Variants in SLCO4C1 observed in about 807,000 individuals in gnomAD.
SLCO4C1 encodes solute carrier organic anion transporter family member 4C1.
A neutral mutation model predicts 72.1 loss-of-function variants in SLCO4C1; 58 were observed. The observed-to-expected ratio is 0.80, with a 90% CI of 0.65 to 1.00. The LOEUF is 1.00. SLCO4C1 is among the 50% of genes least tolerant of loss of function. The probability of loss-of-function intolerance (pLI) is 0.00; values close to 1 mark genes in which losing one functional copy is unlikely to be tolerated. For synonymous variants in SLCO4C1, 297 were observed against 312.5 expected, an observed-to-expected ratio of 0.95 and a Z score of 0.52; for missense variants, 898 against 857.9, an observed-to-expected ratio of 1.05 and a Z score of -0.58.
In SLCO4C1 at chr5:102,274,354, T is replaced by C. The variant is rs139519008; in HGVS notation, c.620-3548A>G. ...ACCTAATGAACAAAGAAGTGGCCAG[T>C]CTTACCCACTAATATTGGCAGGTCT... On this transcript the variant is annotated intron_variant, in intron 2 of 12. Transcript: ENST00000310954. Among the ~76,000 whole-genome samples the C allele has an allele frequency of 4.4e-3, 676 of 152,290 alleles. 12 individuals carry two copies. Among genetic ancestry groups the C allele is most frequent in the African/African-American group, 0.016 (648 of 41,564 alleles).
intron 1 of SLCO4C1, among the ~76,000 whole-genome samples, chr5:102,292,700 T>C (rs1456399971): frequency 6.6e-6 from 1 of 152,126 alleles, no homozygotes. Context: ...AAGGTAAGAC[T>C]GAAAATCTGA....
At position 102,240,764 on chromosome 5, in the gene SLCO4C1, T is replaced by C. The variant is rs1748525440; in HGVS notation, c.1830A>G (p.Gln610=). 4 of 1,611,692 alleles carry C rather than the reference T, an allele frequency of 2.5e-6. No individual in the cohort carries two copies. The highest frequency in any genetic ancestry group is 1.3e-5 in the African/African-American group (1 of 74,992). The change falls in exon 11 of 13, where the codon CAA becomes CAG. Residue 610 remains glutamine, a synonymous_variant. Transcript: ENST00000310954. The part of the protein sequence containing the change: ...VSILRCVNHR[Q]RSLALGIQFM... ...ATTGTATTCCCAAGGCTAGGGACCG[T>C]TGTCTGTGATTAACACACCTGGAAA...
At chr5:102,274,467 A>G (rs765027757) in intron 2 of SLCO4C1, among the ~76,000 whole-genome samples, 1 of 152,158 alleles carries the variant, frequency 6.6e-6, no homozygotes, top group Non-Finnish European at 1.5e-5. Flanking sequence ...CTTAACCCCA[A>G]TCAAAGACCC....
chr5:102,295,849 C>T (rs1475843548), intron 1 of SLCO4C1, 59 bp downstream of exon 1: 8 of 1,506,242 alleles, frequency 5.3e-6, no homozygotes, highest in East Asian at 2.3e-5. Context: ...CCCCGGCTGG[C>T]TCGCCGTGCC....
intron 3 of SLCO4C1, among the ~76,000 whole-genome samples, chr5:102,266,443 A>G (rs1302911374): frequency 6.6e-6 from 1 of 152,148 alleles, no homozygotes; most frequent in Non-Finnish European, 1.5e-5. Flanking sequence ...TGAGGTCAGG[A>G]GTTCGAGACC....
intron 2 of SLCO4C1, 121 bp from the exon 3 acceptor site, chr5:102,270,927 T>C: frequency 1.2e-6 from 1 of 843,246 alleles, no homozygotes; most frequent in South Asian, 2.3e-5. Context: ...TCATTTTACT[T>C]TGATTTAAAC....
In SLCO4C1 at chr5:102,257,169, A is replaced by G. The variant is rs762610013; in HGVS notation, c.1415T>C (p.Met472Thr). 1.9e-6 allele frequency: 3 copies of G among 1,606,358 alleles called. No homozygotes were observed. In the East Asian group the frequency reaches 6.8e-5, roughly 36 times the overall value. The change falls in exon 8 of 13, where the codon ATG becomes ACG. Residue 472 changes from methionine to threonine, a missense_variant. Physicochemically the swap from Met to Thr is moderately conservative, Grantham distance 81. Transcript: ENST00000310954. ...GVALTLSFVFMYAKCENEPFA... is the reference protein window; with the variant it reads ...GVALTLSFVFTYAKCENEPFA... ...TGGCTCATTTTCACATTTGGCATAC[A>G]TAAATACAAAACTCAGCGTAAGTGC... is the stretch of plus-strand genomic sequence containing the variant.
intron 8 of SLCO4C1, among the ~76,000 whole-genome samples, chr5:102,253,874 C>T (rs549598087): frequency 1.3e-5 from 2 of 151,590 alleles, no homozygotes; most frequent in Admixed American, 1.3e-4. Context: ...ATCAATCATA[C>T]CCCAAACCTC....
intron 3 of SLCO4C1, among the ~76,000 whole-genome samples, chr5:102,264,773 C>G (rs942887109): frequency 1.3e-5 from 2 of 151,994 alleles, no homozygotes; most frequent in Non-Finnish European, 2.9e-5. Context: ...TCCATATCCT[C>G]CCCTTCCCAT....
At position 102,247,280 on chromosome 5, in the gene SLCO4C1, C is replaced by T. The variant is rs141659640; in HGVS notation, c.1783G>A (p.Gly595Ser). The change falls in exon 10 of 13, where the codon GGT becomes AGT. Residue 595 changes from glycine (G) to serine (S), a missense_variant. Coordinates refer to ENST00000310954, the MANE Select transcript of SLCO4C1 (RefSeq NM_180991.5). Reference protein sequence around the residue: ...FIVIIFTFMAGTPITVSILRC... With the variant: ...FIVIIFTFMASTPITVSILRC... ...AGGATAGACACAGTTATAGGAGTAC[C>T]GGCCATAAAGGTAAAAATAATTACA... 1,059 of 1,569,812 alleles carry T rather than the reference C, an allele frequency of 6.7e-4. 4 individuals carry two copies. The African/African-American group carries it at 1.0e-2, about 15-fold the overall frequency.
intron 2 of SLCO4C1, among the ~76,000 whole-genome samples, chr5:102,280,942 C>T (rs947294493): frequency 1.3e-4 from 20 of 151,820 alleles, no homozygotes; most frequent in Admixed American, 2.6e-4. Flanking sequence ...AATCCTATTA[C>T]GATATTTTGT....
rs1749548933 is a variant in SLCO4C1 at position 102,291,436 on chromosome 5, C to T, written c.526G>A (p.Ala176Thr). 1 of 1,614,086 alleles carries T rather than the reference C, an allele frequency of 6.2e-7. No homozygotes were observed. The highest frequency in any genetic ancestry group is 1.1e-5 in the South Asian group (1 of 91,084). The change falls in exon 2 of 13, where the codon GCA becomes ACA. Residue 176 changes from alanine to threonine, a missense_variant. By Grantham distance (58) the Ala-to-Thr change is moderately conservative. Coordinates refer to ENST00000310954, the MANE Select transcript of SLCO4C1 (RefSeq NM_180991.5). ...AGTCCAATCATAAAGGCTGCAAATGCAAGCCATCTCGGCTTATGTCCTCTT... is the reference window on the plus strand; with the variant it reads ...AGTCCAATCATAAAGGCTGCAAATGTAAGCCATCTCGGCTTATGTCCTCTT... ...GERGHKPRWL[A>T]FAAFMIGLGA...
intron 3 of SLCO4C1, among the ~76,000 whole-genome samples, chr5:102,267,293 A>C (rs1439266168): frequency 6.6e-6 from 1 of 152,128 alleles, no homozygotes; most frequent in East Asian, 1.9e-4. Flanking sequence ...TTATTGATTC[A>C]ATCTCATTAC....
At chr5:102,281,723 A>C (rs574352745) in intron 2 of SLCO4C1, among the ~76,000 whole-genome samples, 21 of 152,136 alleles carry the variant, frequency 1.4e-4, no homozygotes, top group Non-Finnish European at 3.1e-4. Flanking sequence ...ACACAACGAG[A>C]TTTCACTGTA....
intron 2 of SLCO4C1, among the ~76,000 whole-genome samples, chr5:102,277,273 C>T (rs1266389420): frequency 6.6e-6 from 1 of 151,810 alleles, no homozygotes; most frequent in Non-Finnish European, 1.5e-5. Flanking sequence ...TAACAAGGTG[C>T]CCCATCCCCC....
chr5:102,294,875 G>GTT (rs1422203098), intron 1 of SLCO4C1, among the ~76,000 whole-genome samples: 5 of 152,116 alleles, frequency 3.3e-5, no homozygotes, highest in African/African-American at 1.2e-4. Flanking sequence ...AAAATGAGCT[G>GTT]TTTCCAACCC....
At chr5:102,244,447 G>A (rs1170502521) in intron 10 of SLCO4C1, among the ~76,000 whole-genome samples, 1 of 152,124 alleles carries the variant, frequency 6.6e-6, no homozygotes, top group Non-Finnish European at 1.5e-5. Flanking sequence ...AGAAGAGGTA[G>A]AGAAAAAGAT....
At chr5:102,243,782 G>C (rs1748589214) in intron 10 of SLCO4C1, among the ~76,000 whole-genome samples, 1 of 152,150 alleles carries the variant, frequency 6.6e-6, no homozygotes, top group Admixed American at 6.5e-5. Flanking sequence ...AGAAATATGT[G>C]ACGTTTCAGA....
intron 6 of SLCO4C1, among the ~76,000 whole-genome samples, chr5:102,259,741 A>T (rs919325873): frequency 9.2e-5 from 14 of 152,178 alleles, no homozygotes; most frequent in Non-Finnish European, 1.8e-4. Flanking sequence ...TTGTTTCAGA[A>T]TTCTCAAATA....
Sources: allele counts gnomAD v4.1 joint callset (sites outside exome capture counted in the v4.1 genomes callset), GRCh38; gene constraint gnomAD v4.1.1; transcripts MANE v1.5; gene names NCBI Gene and HGNC (gene_info 2026-07-23, HGNC 2026-07-21).